Variants in FHIT observed in about 807,000 individuals in gnomAD.
The protein encoded by FHIT is bis(5'-adenosyl)-triphosphatase.
In FHIT, 19 loss-of-function variants were observed where a neutral mutation model predicts 17.9. That is an observed-to-expected ratio of 1.06 (90% CI 0.74 to 1.56). FHIT has a LOEUF of 1.56. Ranked by LOEUF, FHIT falls within the 40% of genes most tolerant of loss-of-function variation. FHIT has a pLI of 0.00. For missense variants in FHIT, 248 were observed against 189.2 expected (o/e 1.31, Z -1.82); for synonymous variants, 81 against 69.7 (o/e 1.16, Z -0.81).
chr3:59,770,115 C>T (rs17061176), intron 8 of FHIT, among the ~76,000 whole-genome samples: 11,878 of 152,180 alleles, frequency 0.078, 536 homozygotes, highest in South Asian at 0.13. Flanking sequence ...TCTGGTTGAA[C>T]GAGGGCATGA....
Position 60,613,691 on chromosome 3 carries a change from C to T in FHIT, c.-17-76712G>A, listed in dbSNP as rs965301967. 6.6e-5 allele frequency among the ~76,000 whole-genome samples: 10 copies of T among 152,162 alleles called. No homozygotes were observed. The South Asian group carries it at 2.1e-3, about 32-fold the overall frequency. On this transcript the variant is annotated intron_variant, in intron 4 of 9. Transcript: ENST00000492590. Reference sequence around the variant, plus strand: ...TTCTTTTTCAGTCATTCCTACATTTCCCTTTTTCTCTCATTCTCCTTTGTC... The same window carrying T: ...TTCTTTTTCAGTCATTCCTACATTTTCCTTTTTCTCTCATTCTCCTTTGTC...
chr3:60,058,716 A>G (rs1167456376), intron 5 of FHIT, among the ~76,000 whole-genome samples: 1 of 152,206 alleles, frequency 6.6e-6, no homozygotes, highest in Non-Finnish European at 1.5e-5. Context: ...ACTCAAATCC[A>G]CTGATAGTGA....
At chr3:60,086,673 T>C (rs1703507219) in intron 5 of FHIT, among the ~76,000 whole-genome samples, 1 of 152,182 alleles carries the variant, frequency 6.6e-6, no homozygotes, top group South Asian at 2.1e-4. Flanking sequence ...GCAGACATGA[T>C]ATCTTAAAGC....
At chr3:60,110,154 G>T (rs1327087927) in intron 5 of FHIT, among the ~76,000 whole-genome samples, 1 of 152,120 alleles carries the variant, frequency 6.6e-6, no homozygotes, top group Non-Finnish European at 1.5e-5. Context: ...GAGGACACGG[G>T]GGGTTGGGCT....
In FHIT at chr3:61,060,758, C is replaced by A. The variant is rs145036241; in HGVS notation, c.-163-18659G>T. On this transcript the variant is annotated intron_variant, in intron 2 of 9. Coordinates refer to ENST00000492590, the MANE Select transcript of FHIT (RefSeq NM_002012.4). ...GACACAACACTGTCACAGATGTATG[C>A]GGACAGATTAAGCTCCAGATGGAAG... Among the ~76,000 whole-genome samples, 131 of 152,334 alleles carry A rather than the reference C, an allele frequency of 8.6e-4. No homozygotes were observed. The Middle Eastern group carries it at 0.027, about 32-fold the overall frequency.
intron 5 of FHIT, among the ~76,000 whole-genome samples, chr3:60,028,764 A>G (rs1700860148): frequency 1.3e-5 from 2 of 152,240 alleles, no homozygotes; most frequent in African/African-American, 4.8e-5. Flanking sequence ...TAACCCAAGG[A>G]ATTTAGTAAA....
intron 5 of FHIT, among the ~76,000 whole-genome samples, chr3:60,325,600 C>T (rs957649977): frequency 6.6e-6 from 1 of 152,180 alleles, no homozygotes. Flanking sequence ...ACATTCATTA[C>T]ATTTTTAATC....
intron 4 of FHIT, among the ~76,000 whole-genome samples, chr3:60,784,236 T>G (rs926407527): frequency 6.6e-6 from 1 of 152,126 alleles, no homozygotes; most frequent in African/African-American, 2.4e-5. Flanking sequence ...ATTCCAGGAT[T>G]GGGAGCAACC....
intron 5 of FHIT, among the ~76,000 whole-genome samples, chr3:60,105,826 A>G (rs1221424707): frequency 6.6e-6 from 1 of 152,200 alleles, no homozygotes; most frequent in Non-Finnish European, 1.5e-5. Flanking sequence ...ACATTAAAAG[A>G]AGAAAAAGAA....
At chr3:60,875,803 C>A (rs898424430) in intron 3 of FHIT, among the ~76,000 whole-genome samples, 2 of 151,888 alleles carry the variant, frequency 1.3e-5, no homozygotes, top group Non-Finnish European at 2.9e-5. Context: ...AGAAGTTAAG[C>A]AAATGGCCAA....
intron 5 of FHIT, among the ~76,000 whole-genome samples, chr3:60,152,575 G>A (rs1162286594): frequency 6.6e-6 from 1 of 152,100 alleles, no homozygotes; most frequent in Non-Finnish European, 1.5e-5. Context: ...GCCAGTCAAG[G>A]GGAGATTCAA....
intron 3 of FHIT, among the ~76,000 whole-genome samples, chr3:61,037,701 G>A (rs1269363598): frequency 6.6e-6 from 1 of 152,122 alleles, no homozygotes; most frequent in African/African-American, 2.4e-5. Flanking sequence ...CTGATAAAAC[G>A]AATGAGTTAG....
intron 5 of FHIT, among the ~76,000 whole-genome samples, chr3:60,273,783 C>T (rs1219392723): frequency 1.3e-5 from 2 of 152,082 alleles, no homozygotes; most frequent in Non-Finnish European, 2.9e-5. Flanking sequence ...AACACTATTT[C>T]TATTGGCAAG....
At chr3:60,268,962 A>T (rs1454815069) in intron 5 of FHIT, among the ~76,000 whole-genome samples, 1 of 152,134 alleles carries the variant, frequency 6.6e-6, no homozygotes, top group East Asian at 1.9e-4. Context: ...GGCTTTAAAG[A>T]TAGAGGAAGG....
chr3:59,904,196 A>G (rs1704473722), intron 8 of FHIT, among the ~76,000 whole-genome samples: 1 of 150,002 alleles, frequency 6.7e-6, no homozygotes, highest in Non-Finnish European at 1.5e-5. Flanking sequence ...ACACCTAACA[A>G]AAGGAACAAT....
At chr3:60,166,131 G>C (rs778761676) in intron 5 of FHIT, among the ~76,000 whole-genome samples, 5 of 151,964 alleles carry the variant, frequency 3.3e-5, no homozygotes, top group Non-Finnish European at 5.9e-5. Flanking sequence ...ATTAAAAAGT[G>C]GCTAACATTG....
intron 5 of FHIT, among the ~76,000 whole-genome samples, chr3:60,214,412 A>G (rs1703601641): frequency 1.3e-5 from 2 of 152,198 alleles, no homozygotes; most frequent in Non-Finnish European, 2.9e-5. Flanking sequence ...ATAGTATTCT[A>G]TGCTTGAGTT....
intron 5 of FHIT, among the ~76,000 whole-genome samples, chr3:60,497,492 T>A (rs1364185119): frequency 6.6e-6 from 1 of 152,220 alleles, no homozygotes; most frequent in Non-Finnish European, 1.5e-5. Flanking sequence ...ATTACATAAT[T>A]CTTTTATTAG....
chr3:61,201,855 T>C (rs754100164), intron 1 of FHIT, among the ~76,000 whole-genome samples: 1 of 152,150 alleles, frequency 6.6e-6, no homozygotes, highest in Non-Finnish European at 1.5e-5. Flanking sequence ...AATAATCTGA[T>C]AACATGGAGA....
Sources: allele counts gnomAD v4.1 joint callset (sites outside exome capture counted in the v4.1 genomes callset), GRCh38; gene constraint gnomAD v4.1.1; transcripts MANE v1.5; gene names NCBI Gene and HGNC (gene_info 2026-07-23, HGNC 2026-07-21).